The following ITGA9 variants were observed in gnomAD, a reference collection of about 807,000 sequenced individuals.
The protein encoded by ITGA9 is integrin subunit alpha 9.
ITGA9 carries 56 observed loss-of-function variants against 127.8 expected under a neutral mutation model. The ratio of observed to expected loss-of-function variants is 0.44; its 90% confidence interval spans 0.35 to 0.55. The LOEUF (loss-of-function observed/expected upper bound fraction) is 0.55, where lower values mean the gene tolerates loss of function less well. ITGA9 is among the 20% of genes least tolerant of loss of function. ITGA9 has a pLI of 0.00. For missense variants in ITGA9, 1,196 were observed against 1,347.1 expected (o/e 0.89, Z 1.76); for synonymous variants, 508 against 514.5 (o/e 0.99, Z 0.17).
chr3:37,480,243 G>A (rs1387851365), intron 3 of ITGA9, among the ~76,000 whole-genome samples: 1 of 152,082 alleles, frequency 6.6e-6, no homozygotes, highest in African/African-American at 2.4e-5. Flanking sequence ...TAGTGTGGCA[G>A]AAGGACGATC....
At chr3:37,463,724 G>A (rs1490071061) in intron 1 of ITGA9, among the ~76,000 whole-genome samples, 1 of 152,210 alleles carries the variant, frequency 6.6e-6, no homozygotes, top group Non-Finnish European at 1.5e-5. Flanking sequence ...GATACAGGAA[G>A]GATGGGGAAT....
At chr3:37,772,276 C>T (rs577405073) in intron 23 of ITGA9, among the ~76,000 whole-genome samples, 5 of 152,140 alleles carry the variant, frequency 3.3e-5, no homozygotes, top group East Asian at 1.9e-4. Flanking sequence ...GGCATGGTGG[C>T]GTGTGCCTGT....
intron 5 of ITGA9, among the ~76,000 whole-genome samples, chr3:37,501,222 G>A (rs1698784175): frequency 2.0e-5 from 3 of 152,174 alleles, no homozygotes; most frequent in Admixed American, 2.0e-4. Context: ...GGGATTCCCT[G>A]TTGGGGAAAG....
intron 22 of ITGA9, among the ~76,000 whole-genome samples, chr3:37,747,165 A>T (rs928521367): frequency 5.9e-5 from 9 of 152,340 alleles, no homozygotes; most frequent in Admixed American, 5.9e-4. Flanking sequence ...AAGTTCACCC[A>T]TTTAAAGCAT....
chr3:37,562,647 A>G (rs1467794704), intron 15 of ITGA9, among the ~76,000 whole-genome samples: 3 of 152,208 alleles, frequency 2.0e-5, no homozygotes, highest in Admixed American at 6.5e-5. Flanking sequence ...TTGGAGCGAT[A>G]GCTGGCTGGA....
chr3:37,516,026 A>G (rs749327452), intron 9 of ITGA9, among the ~76,000 whole-genome samples: 3 of 152,188 alleles, frequency 2.0e-5, no homozygotes, highest in Non-Finnish European at 4.4e-5. Flanking sequence ...TAAATAAATG[A>G]GTGCTGTGGG....
At chr3:37,708,895 G>T (rs145191348) in intron 18 of ITGA9, among the ~76,000 whole-genome samples, 84 of 152,002 alleles carry the variant, frequency 5.5e-4, no homozygotes, top group African/African-American at 1.8e-3. Flanking sequence ...TTAAGTTTTA[G>T]CTTGTCTACA....
intron 23 of ITGA9, among the ~76,000 whole-genome samples, chr3:37,764,174 A>G (rs1451143826): frequency 1.3e-5 from 2 of 152,122 alleles, no homozygotes; most frequent in African/African-American, 2.4e-5. Context: ...AAGTTGAGCT[A>G]TTACCTTGAC....
chr3:37,714,032 G>T (rs1373626353), intron 18 of ITGA9, among the ~76,000 whole-genome samples: 1 of 152,228 alleles, frequency 6.6e-6, no homozygotes, highest in Non-Finnish European at 1.5e-5. Context: ...ATGATGATGT[G>T]CCTAGCAGGG....
intron 23 of ITGA9, 108 bp from the exon 24 acceptor site, chr3:37,777,284 G>A (rs1696919768): frequency 1.6e-6 from 2 of 1,274,018 alleles, no homozygotes; most frequent in Non-Finnish European, 2.3e-6. Flanking sequence ...TGGACAAGGA[G>A]GAAAGGTGAA....
At chr3:37,748,244 TG>T in intron 22 of ITGA9, 1 of 486,938 alleles carries the variant, frequency 2.1e-6, no homozygotes, top group Non-Finnish European at 3.9e-6. Flanking sequence ...ATCAAGGGAA[TG>T]GGTACTGTTC....
At chr3:37,705,057 A>C (rs1416645588) in intron 18 of ITGA9, among the ~76,000 whole-genome samples, 1 of 152,202 alleles carries the variant, frequency 6.6e-6, no homozygotes, top group Non-Finnish European at 1.5e-5. Flanking sequence ...AGAAGTACCA[A>C]ACTTACAAAT....
chr3:37,678,007 A>G (rs908548791), intron 17 of ITGA9, among the ~76,000 whole-genome samples: 3 of 152,194 alleles, frequency 2.0e-5, no homozygotes, highest in African/African-American at 7.2e-5. Context: ...CCTTTTTGGT[A>G]TGATTTCCAT....
At chr3:37,584,970 G>T (rs1423735917) in intron 15 of ITGA9, among the ~76,000 whole-genome samples, 1 of 151,970 alleles carries the variant, frequency 6.6e-6, no homozygotes, top group Non-Finnish European at 1.5e-5. Flanking sequence ...TTTTAGTTGG[G>T]TTCAGTCAGA....
chr3:37,523,701 T>C (rs768168206), intron 12 of ITGA9, 90 bp downstream of exon 12: 2 of 928,170 alleles, frequency 2.2e-6, no homozygotes, highest in Non-Finnish European at 3.6e-6. Flanking sequence ...AATCATCACA[T>C]CCATTTAGGA....
At chr3:37,758,148 C>A (rs1696676971) in intron 23 of ITGA9, among the ~76,000 whole-genome samples, 1 of 149,306 alleles carries the variant, frequency 6.7e-6, no homozygotes, top group Non-Finnish European at 1.5e-5. Context: ...AAGGTGAAAC[C>A]CCGTCTCTAC....
At chr3:37,757,901 A>C (rs9817160) in intron 23 of ITGA9, among the ~76,000 whole-genome samples, 60,361 of 151,538 alleles carry the variant, frequency 0.4, 13,816 homozygotes, top group African/African-American at 0.61. Flanking sequence ...AAAGATAAAG[A>C]AACTCATTCC....
At chr3:37,594,153 A>C (rs1211106801) in intron 15 of ITGA9, among the ~76,000 whole-genome samples, 2 of 152,330 alleles carry the variant, frequency 1.3e-5, no homozygotes, top group East Asian at 3.9e-4. Context: ...CTGGGTCAGC[A>C]GCAGTCATTG....
At chr3:37,665,321 A>T (rs1219023911) in intron 17 of ITGA9, among the ~76,000 whole-genome samples, 1 of 152,020 alleles carries the variant, frequency 6.6e-6, no homozygotes, top group Non-Finnish European at 1.5e-5. Context: ...GGCTATAGGA[A>T]TGGATTTCTC....
Sources: gnomAD v4.1 joint callset for allele counts (sites outside exome capture counted in the v4.1 genomes callset) on GRCh38, gnomAD v4.1.1 for gene constraint, MANE v1.5 for transcripts, NCBI Gene and HGNC (gene_info 2026-07-23, HGNC 2026-07-21) for gene names.